NEO1: variants seen among roughly 807,000 people sequenced by gnomAD.
NEO1 encodes neogenin.
A neutral mutation model predicts 159.7 loss-of-function variants in NEO1; 63 were observed. That is an observed-to-expected ratio of 0.39 (90% CI 0.32 to 0.49). NEO1 has a LOEUF of 0.49. Ranked by LOEUF, NEO1 falls within the 20% of genes least tolerant of loss-of-function variation. The pLI, the probability that NEO1 is intolerant of heterozygous loss-of-function variation, is 0.85. For synonymous variants in NEO1, 633 were observed against 662.0 expected (o/e 0.96, Z 0.67); for missense variants, 1,615 against 1,831.0 (o/e 0.88, Z 2.15).
chr15:73,105,211 G>C (rs546948745), intron 1 of NEO1, among the ~76,000 whole-genome samples: 3 of 152,146 alleles, frequency 2.0e-5, no homozygotes, highest in Non-Finnish European at 4.4e-5. Context: ...TTGCTTAAAG[G>C]ATAAACAGAA....
intron 5 of NEO1, among the ~76,000 whole-genome samples, chr15:73,153,397 AC>A (rs1243143513): frequency 6.6e-6 from 1 of 152,238 alleles, no homozygotes; most frequent in Non-Finnish European, 1.5e-5. Context: ...AAATCTAATT[AC>A]AAAATCTAAT....
At chr15:73,245,705 G>A (rs190480472) in intron 9 of NEO1, among the ~76,000 whole-genome samples, 1 of 151,684 alleles carries the variant, frequency 6.6e-6, no homozygotes, top group East Asian at 1.9e-4. Context: ...CTCCTGAGTA[G>A]CTGGGACTAC....
At chr15:73,119,015 G>C (rs966343692) in intron 2 of NEO1, among the ~76,000 whole-genome samples, 1 of 152,052 alleles carries the variant, frequency 6.6e-6, no homozygotes. Flanking sequence ...GTGTGTGTGC[G>C]CGCAATTAAA....
At chr15:73,276,445 A>G (rs2041429501) in intron 21 of NEO1, among the ~76,000 whole-genome samples, 1 of 152,240 alleles carries the variant, frequency 6.6e-6, no homozygotes, top group Non-Finnish European at 1.5e-5. Context: ...AGACTTTGTC[A>G]TAGTGAAAAG....
chr15:73,136,060 C>T (rs2031724740), intron 5 of NEO1, 33 bp downstream of exon 5: 2 of 1,557,612 alleles, frequency 1.3e-6, no homozygotes, highest in African/African-American at 2.8e-5. Flanking sequence ...ATTTAAAAAT[C>T]CTGTGTACTT....
intron 1 of NEO1, among the ~76,000 whole-genome samples, chr15:73,073,010 A>C (rs2068609904): frequency 6.6e-6 from 1 of 152,132 alleles, no homozygotes; most frequent in African/African-American, 2.4e-5. Flanking sequence ...CATGCGTTTA[A>C]TTTTGGACAT....
chr15:73,108,594 G>GA (rs67582657), intron 1 of NEO1, among the ~76,000 whole-genome samples: 1 of 33,402 alleles, frequency 3.0e-5, no homozygotes, highest in African/African-American at 8.9e-5. Flanking sequence ...ATGGCAAGAC[G>GA]GGTCATTTTA....
At chr15:73,073,276 C>T (rs551401305) in intron 1 of NEO1, among the ~76,000 whole-genome samples, 1 of 152,218 alleles carries the variant, frequency 6.6e-6, no homozygotes, top group East Asian at 1.9e-4. Flanking sequence ...GAGTCTTTTG[C>T]ATTTACCTGT....
intron 7 of NEO1, among the ~76,000 whole-genome samples, chr15:73,218,103 A>G (rs1483739702): frequency 6.6e-6 from 1 of 152,224 alleles, no homozygotes; most frequent in African/African-American, 2.4e-5. Context: ...ACGTCCCATC[A>G]ATACCTAATT....
In NEO1 at chr15:73,258,778, G is replaced by A. The variant is rs1303733310; in HGVS notation, c.2105G>A (p.Gly702Glu). Residue 702 changes from glycine (G) to glutamate (E), a missense_variant, in exon 14 of 29, where the codon GGG becomes GAG. By Grantham distance (98) the Gly-to-Glu change is moderately conservative (BLOSUM62 -2). Coordinates refer to ENST00000261908, the MANE Select transcript of NEO1 (RefSeq NM_002499.4). ...LSQLIEGLDR[G>E]TEYNFRVAAL... ...CATTTGGTCTCAGGTCTTGATCGGG[G>A]GACTGAGTATAATTTCCGAGTGGCT... 9 of 1,613,644 alleles carry A rather than the reference G, an allele frequency of 5.6e-6. No homozygotes were observed. The highest frequency in any genetic ancestry group is 7.6e-6 in the Non-Finnish European group (9 of 1,179,770).
intron 7 of NEO1, among the ~76,000 whole-genome samples, chr15:73,185,925 A>G (rs2035894387): frequency 6.6e-6 from 1 of 152,102 alleles, no homozygotes; most frequent in Non-Finnish European, 1.5e-5. Flanking sequence ...AATGGCCAAG[A>G]ATTTTAAAAA....
Position 73,135,946 on chromosome 15 carries a change from G to A in NEO1, c.934G>A (p.Glu312Lys). The change falls in exon 5 of 29, where the codon GAG (glutamate) becomes AAG (lysine). Residue 312 changes from glutamate (E) to lysine (K), a missense_variant. Glu to Lys is a moderately conservative substitution (Grantham distance 56). Transcript: ENST00000261908. ...GGSLEISDVT[E>K]DDAGTYFCIA... ...TAGCCTGGAGATCAGTGATGTTACT[G>A]AGGATGATGCTGGGACTTATTTTTG... The A allele has an allele frequency of 1.2e-6, 2 of 1,607,996 alleles. No individual in the cohort carries two copies.
At chr15:73,263,131 T>A (rs1395320240) in intron 15 of NEO1, among the ~76,000 whole-genome samples, 2 of 152,012 alleles carry the variant, frequency 1.3e-5, no homozygotes, top group Admixed American at 1.3e-4. Flanking sequence ...TTGTCAAAAC[T>A]GTAAATGTAC....
rs775994532 is a variant in NEO1, at chr15:73,270,098, G to C, written c.2583G>C (p.Gln861His). ...PTPMMPPVGV[Q>H]ASILSHDTIR... ...CCATGATGCCACCAGTGGGAGTTCA[G>C]GCTTCCATTCTGAGTCATGACACCA... The change falls in exon 17 of 29, where the codon CAG becomes CAC. Residue 861 changes from glutamine to histidine, a missense_variant. Coordinates refer to ENST00000261908, the MANE Select transcript of NEO1 (RefSeq NM_002499.4). The C allele has an allele frequency of 2.7e-5, 43 of 1,614,022 alleles. No individual in the cohort carries two copies. The highest frequency in any genetic ancestry group is 3.3e-5 in the Admixed American group (2 of 59,988).
At chr15:73,146,450 T>C (rs2032905950) in intron 5 of NEO1, among the ~76,000 whole-genome samples, 1 of 152,220 alleles carries the variant, frequency 6.6e-6, no homozygotes. Context: ...ATTTTTAAGG[T>C]ATTACTGTAT....
Position 73,295,145 on chromosome 15 carries a change from T to TATATATATATATATATATATAA in NEO1, c.3901+1598_3901+1599insTATATATATATATATATATAAA, listed in dbSNP as rs1306550657. On this transcript the variant is annotated intron_variant, in intron 26 of 28. Coordinates refer to ENST00000261908, the MANE Select transcript of NEO1 (RefSeq NM_002499.4). Reference sequence around the variant, plus strand: ...TATTAAATATATATATATATATATGTAAAAATTTGGCCTTTCTACTATCTC... The same window carrying TATATATATATATATATATATAA: ...TATTAAATATATATATATATATATGTATATATATATATATATATATAAAAAAATTTGGCCTTTCTACTATCTC... Among the ~76,000 whole-genome samples, 50 of 134,900 alleles carry TATATATATATATATATATATAA rather than the reference T, an allele frequency of 3.7e-4. 1 individual carries two copies. Among genetic ancestry groups the TATATATATATATATATATATAA allele is most frequent in the Non-Finnish European group, 6.4e-4 (39 of 61,300 alleles). The allele number at this position is 134,900 out of a possible 152,430, so 88.5% of individuals were successfully genotyped here. A position where few individuals can be genotyped will look rare whatever the true frequency, so the allele number is the denominator to read the frequency against.
rs537482896 is a variant in NEO1 at position 73,155,210 on chromosome 15, T to TTGG, written c.1015+19198_1015+19200dup. On this transcript the variant is annotated intron_variant, in intron 5 of 28. Coordinates refer to ENST00000261908, the MANE Select transcript of NEO1 (RefSeq NM_002499.4). ...TGGATATAAAATTCTTGGCTGATGT[T>TTGG]TGGTGGTGGTGGTGGTGATACTGAT... Among the ~76,000 whole-genome samples the TTGG allele has an allele frequency of 3.6e-3, 554 of 152,052 alleles. 4 individuals carry two copies. The highest frequency in any genetic ancestry group is 0.013 in the African/African-American group (521 of 41,476).
intron 7 of NEO1, among the ~76,000 whole-genome samples, chr15:73,215,521 T>A (rs1322032766): frequency 6.6e-6 from 1 of 152,246 alleles, no homozygotes; most frequent in East Asian, 1.9e-4. Flanking sequence ...ATGCTTTCTC[T>A]GCATCTATTG....
At chr15:73,264,809 G>C (rs1485567784) in intron 15 of NEO1, among the ~76,000 whole-genome samples, 1 of 152,154 alleles carries the variant, frequency 6.6e-6, no homozygotes, top group Non-Finnish European at 1.5e-5. Context: ...CCTCAAACCT[G>C]TTGATCAATC....
Sources: gnomAD v4.1 joint callset for allele counts (sites outside exome capture counted in the v4.1 genomes callset) on GRCh38, gnomAD v4.1.1 for gene constraint, MANE v1.5 for transcripts, NCBI Gene and HGNC (gene_info 2026-07-23, HGNC 2026-07-21) for gene names.